Variants in HACE1 observed in about 807,000 individuals in gnomAD.
HACE1 encodes E3 ubiquitin-protein ligase HACE1.
HACE1 carries 73 observed loss-of-function variants against 118.4 expected under a neutral mutation model. The ratio of observed to expected loss-of-function variants is 0.62; its 90% CI spans 0.51 to 0.75. The LOEUF (loss-of-function observed/expected upper bound fraction) is 0.75, where lower values mean the gene tolerates loss of function less well. Among genes scored for constraint, HACE1 ranks in the 30% least tolerant of loss-of-function variants. HACE1 has a pLI of 0.00. For synonymous variants in HACE1, 368 were observed against 374.8 expected (o/e 0.98, Z 0.21); for missense variants, 749 against 1,102.2 (o/e 0.68, Z 4.54).
chr6:104,730,637 A>G (rs1037177122), intron 22 of HACE1: 3 of 520,996 alleles, frequency 5.8e-6, no homozygotes, highest in Admixed American at 3.0e-5. Context: ...AAGCTATACT[A>G]TGCTTGCAAC....
chr6:104,853,857 GGATA>G (rs1467517079), intron 1 of HACE1, among the ~76,000 whole-genome samples: 1 of 151,920 alleles, frequency 6.6e-6, no homozygotes, highest in Non-Finnish European at 1.5e-5. Flanking sequence ...CTAAAACCAT[GGATA>G]GTACCAAACC....
At chr6:104,752,254 T>C (rs1470812837) in intron 19 of HACE1, among the ~76,000 whole-genome samples, 1 of 152,120 alleles carries the variant, frequency 6.6e-6, no homozygotes, top group Non-Finnish European at 1.5e-5. Context: ...GTACTTATTA[T>C]AGAGAGGGAG....
chr6:104,795,775 C>A, intron 9 of HACE1, 90 bp from the exon 10 acceptor site: 1 of 776,630 alleles, frequency 1.3e-6, no homozygotes, highest in Non-Finnish European at 2.2e-6. Context: ...ATCTTAAAGC[C>A]AATTAGTCTA....
At chr6:104,808,677 T>TA (rs1771288748) in intron 7 of HACE1, among the ~76,000 whole-genome samples, 1 of 152,216 alleles carries the variant, frequency 6.6e-6, no homozygotes, top group African/African-American at 2.4e-5. Context: ...ACCTTTATCT[T>TA]AGAGCCCTAT....
At chr6:104,734,310 G>A (rs909409044) in intron 22 of HACE1, among the ~76,000 whole-genome samples, 1 of 151,944 alleles carries the variant, frequency 6.6e-6, no homozygotes, top group African/African-American at 2.4e-5. Context: ...ATTGGAACAC[G>A]TTTGATTTTT....
At chr6:104,764,285 C>T (rs1779728016) in intron 19 of HACE1, among the ~76,000 whole-genome samples, 1 of 152,104 alleles carries the variant, frequency 6.6e-6, no homozygotes, top group Non-Finnish European at 1.5e-5. Context: ...ACCATATTGG[C>T]CAGACTGGTC....
At chr6:104,767,195 T>A (rs1010823996) in intron 19 of HACE1, among the ~76,000 whole-genome samples, 1 of 152,144 alleles carries the variant, frequency 6.6e-6, no homozygotes, top group African/African-American at 2.4e-5. Context: ...GTAATTATTA[T>A]CACTAAAAAA....
intron 22 of HACE1, 72 bp from the exon 23 acceptor site, chr6:104,730,488 AAGTT>A (rs1775086579): frequency 2.5e-6 from 2 of 808,434 alleles, no homozygotes; most frequent in African/African-American, 1.7e-5. Context: ...TTCAAGTTCT[AAGTT>A]AGGGTAGGAA....
chr6:104,835,842 G>A (rs924805032), intron 5 of HACE1, among the ~76,000 whole-genome samples: 1 of 152,208 alleles, frequency 6.6e-6, no homozygotes, highest in East Asian at 1.9e-4. Flanking sequence ...AATCAAAACA[G>A]GTTTCATATA....
chr6:104,846,276 C>T (rs1456747651), intron 4 of HACE1, among the ~76,000 whole-genome samples: 1 of 152,072 alleles, frequency 6.6e-6, no homozygotes, highest in African/African-American at 2.4e-5. Flanking sequence ...AACACATGGG[C>T]CCTACCCTTT....
chr6:104,799,705 T>C (rs1012369656), intron 7 of HACE1, among the ~76,000 whole-genome samples: 42 of 152,250 alleles, frequency 2.8e-4, no homozygotes, highest in African/African-American at 9.6e-4. Flanking sequence ...TAAACAGAGA[T>C]TGCCCTTTAT....
chr6:104,819,402 G>GTTT, intron 6 of HACE1, among the ~76,000 whole-genome samples: 1 of 151,972 alleles, frequency 6.6e-6, no homozygotes. Flanking sequence ...ACAAACAAAT[G>GTTT]GAAAAACATC....
Position 104,852,228 on chromosome 6 carries a change from TGCGC to T in HACE1, c.131+85_131+88del, listed in dbSNP as rs112776563. 258 of 661,086 alleles carry T rather than the reference TGCGC, an allele frequency of 3.9e-4. 2 individuals carry two copies. The African/African-American group carries it at 4.6e-3, about 12-fold the overall frequency. The allele number at this position is 661,086 out of a possible 1,614,324, so 41.0% of individuals were successfully genotyped here. ...GTGTGTGTGTGTGTGTGTGTGTGTG[TGCGC>T]GCGTGCGCGTGCACGGGCATGCAGT... On this transcript the variant is annotated intron_variant, in intron 2 of 23. Coordinates refer to ENST00000262903, the MANE Select transcript of HACE1 (RefSeq NM_020771.4).
At chr6:104,767,148 G>A (rs10458010) in intron 19 of HACE1, among the ~76,000 whole-genome samples, 16,713 of 152,070 alleles carry the variant, frequency 0.11, 958 homozygotes, top group Admixed American at 0.15. Flanking sequence ...TAAAGAACAT[G>A]GTTCAGATAC....
intron 20 of HACE1, among the ~76,000 whole-genome samples, chr6:104,749,842 G>A: frequency 6.6e-6 from 1 of 151,972 alleles, no homozygotes. Flanking sequence ...AGGGACTAGA[G>A]GATGGCAAAG....
At chr6:104,740,337 T>C (rs1445811329) in intron 22 of HACE1, among the ~76,000 whole-genome samples, 1 of 149,616 alleles carries the variant, frequency 6.7e-6, no homozygotes, top group African/African-American at 2.5e-5. Context: ...CTGAAGGAAA[T>C]AGAGACACAA....
In HACE1 at chr6:104,820,374, C is replaced by T. The variant is rs553561546; in HGVS notation, c.535-8981G>A. Among the ~76,000 whole-genome samples the T allele has an allele frequency of 1.9e-4, 29 of 151,902 alleles. No homozygotes were observed. The East Asian group carries it at 2.5e-3, about 13-fold the overall frequency. ...ATTAAACTAAAGAGTTTCTGCATAGCGAAAAAAACTATCATCAGAATGAAC... is the reference window on the plus strand; with the variant it reads ...ATTAAACTAAAGAGTTTCTGCATAGTGAAAAAAACTATCATCAGAATGAAC... On this transcript the variant is annotated intron_variant, in intron 6 of 23. Transcript: ENST00000262903.
chr6:104,777,016 G>A lies in HACE1; in HGVS notation c.1773C>T (p.Gly591=). 2 of 1,596,768 alleles carry A rather than the reference G, an allele frequency of 1.3e-6. No individual in the cohort carries two copies. The highest frequency in any genetic ancestry group is 1.7e-6 in the Non-Finnish European group (2 of 1,164,924). Residue 591 remains glycine, a synonymous_variant, in exon 16 of 24, where the codon GGC becomes GGT. Transcript: ENST00000262903. ...CATCATCTTCTTTTATACCCACCAT[G>A]CCTTCTTCTCCATGGAACCGTACAG... ...GIAVRFHGEE[G]MGQGVVREWF...
rs527662218 is a variant in HACE1 at position 104,813,576 on chromosome 6, A to G, written c.535-2183T>C. ...GTGGGTAGAGGTCAGGGATGCAGCTAAATATCCTAAAATTCAGATGACAGC... is the reference window on the plus strand; with the variant it reads ...GTGGGTAGAGGTCAGGGATGCAGCTGAATATCCTAAAATTCAGATGACAGC... On this transcript the variant is annotated intron_variant, in intron 6 of 23. Coordinates refer to ENST00000262903, the MANE Select transcript of HACE1 (RefSeq NM_020771.4). 5.4e-4 allele frequency among the ~76,000 whole-genome samples: 74 copies of G among 137,376 alleles called. 21 individuals carry two copies. Among genetic ancestry groups the G allele is most frequent in the African/African-American group, 2.0e-3 (70 of 34,246 alleles). The allele number at this position is 137,376 out of a possible 152,430, so 90.1% of individuals were successfully genotyped here. A position where few individuals can be genotyped will look rare whatever the true frequency, so the allele number is the denominator to read the frequency against.
Sources: gnomAD v4.1 joint callset for allele counts (sites outside exome capture counted in the v4.1 genomes callset) on GRCh38, gnomAD v4.1.1 for gene constraint, MANE v1.5 for transcripts, NCBI Gene and HGNC (gene_info 2026-07-23, HGNC 2026-07-21) for gene names.